The following HS1BP3 variants were observed in gnomAD, a reference collection of about 807,000 sequenced individuals.
The protein encoded by HS1BP3 is HCLS1 binding protein 3.
In HS1BP3, 32 loss-of-function variants were observed where a neutral mutation model predicts 33.5. That is an observed-to-expected ratio of 0.95 (90% confidence interval 0.72 to 1.28). HS1BP3 has a LOEUF of 1.28. Ranked by LOEUF, HS1BP3 falls within the 50% of genes most tolerant of loss-of-function variation. The pLI, the probability that HS1BP3 is intolerant of heterozygous loss-of-function variation, is 0.00. For missense variants in HS1BP3, 486 were observed against 502.3 expected (o/e 0.97, Z 0.31); for synonymous variants, 187 against 209.2 (o/e 0.89, Z 0.92).
At position 20,605,209 on chromosome 2, in the gene HS1BP3, C is replaced by T. The variant is rs138942677; in HGVS notation, c.179-6944G>A. Reference sequence around the variant, plus strand: ...ACACGAGCTTCCCAAACCTGGGAGGCCCATGGCTCCCCAGCTTCTCCTCAT... The same window carrying T: ...ACACGAGCTTCCCAAACCTGGGAGGTCCATGGCTCCCCAGCTTCTCCTCAT... On this transcript the variant is annotated intron_variant, in intron 2 of 3. Coordinates refer to the HS1BP3 transcript ENST00000415264. Among the ~76,000 whole-genome samples, 11 of 152,280 alleles carry T rather than the reference C, an allele frequency of 7.2e-5. No homozygotes were observed. The East Asian group carries it at 2.1e-3, about 29-fold the overall frequency.
chr2:20,562,094 A>G (rs916702110), intron 5 of HS1BP3, among the ~76,000 whole-genome samples: 4 of 152,200 alleles, frequency 2.6e-5, no homozygotes, highest in African/African-American at 9.6e-5. Flanking sequence ...CGGACAAGGC[A>G]TGGAGGCTCC....
intron 5 of HS1BP3, among the ~76,000 whole-genome samples, chr2:20,561,332 C>T (rs916498104): frequency 6.6e-6 from 1 of 152,208 alleles, no homozygotes; most frequent in Non-Finnish European, 1.5e-5. Flanking sequence ...ACAGCTGACT[C>T]AGGGCCTGCA....
At chr2:20,567,834 C>T (rs921219475) in intron 5 of HS1BP3, among the ~76,000 whole-genome samples, 11 of 152,202 alleles carry the variant, frequency 7.2e-5, no homozygotes, top group African/African-American at 2.4e-4. Flanking sequence ...GAACCTGACC[C>T]CAAGTTTGCA....
chr2:20,576,675 C>T (rs182836018), intron 5 of HS1BP3, among the ~76,000 whole-genome samples: 136 of 152,344 alleles, frequency 8.9e-4, no homozygotes, highest in Non-Finnish European at 1.4e-3. Context: ...CTGAGAGAGA[C>T]GGAGGCCTTG....
intron 6 of HS1BP3, among the ~76,000 whole-genome samples, chr2:20,620,122 A>G (rs1162751048): frequency 6.6e-6 from 1 of 152,248 alleles, no homozygotes; most frequent in Non-Finnish European, 1.5e-5. Context: ...TGCACAGTGG[A>G]AGACTCATTC....
At chr2:20,634,058 T>C (rs1480627788) in intron 4 of HS1BP3, among the ~76,000 whole-genome samples, 1 of 152,152 alleles carries the variant, frequency 6.6e-6, no homozygotes, top group African/African-American at 2.4e-5. Context: ...AACCCCAGGA[T>C]GGCACAGCAG....
chr2:20,633,422 A>C (rs556345616), intron 4 of HS1BP3, among the ~76,000 whole-genome samples: 1 of 152,344 alleles, frequency 6.6e-6, no homozygotes, highest in Admixed American at 6.5e-5. Context: ...AGGTTTTGCT[A>C]CTGAATTTAA....
intron 4 of HS1BP3, among the ~76,000 whole-genome samples, chr2:20,633,437 C>T (rs1182080438): frequency 2.6e-5 from 4 of 152,230 alleles, no homozygotes; most frequent in Non-Finnish European, 5.9e-5. Flanking sequence ...ATTTAAAAAG[C>T]AGAAACCACT....
chr2:20,554,706 CAAAAA>C, the HS1BP3 span, among the ~76,000 whole-genome samples: 1 of 104,560 alleles, frequency 9.6e-6, no homozygotes, highest in Non-Finnish European at 2.1e-5. Flanking sequence ...CTCCACCTCA[CAAAAA>C]AAAAAAAAAA....
At chr2:20,648,893 G>A (rs148144528) in intron 1 of HS1BP3, among the ~76,000 whole-genome samples, 34 of 152,350 alleles carry the variant, frequency 2.2e-4, no homozygotes, top group African/African-American at 7.2e-4. Flanking sequence ...GAGACTTGCC[G>A]TTAGTCTTAA....
the HS1BP3 span, among the ~76,000 whole-genome samples, chr2:20,554,017 C>T: frequency 1.3e-5 from 2 of 152,154 alleles, no homozygotes; most frequent in African/African-American, 2.4e-5. Flanking sequence ...ATTTTAGTGC[C>T]TGGCCCCGAT....
intron 5 of HS1BP3, 43 bp from the exon 6 acceptor site, chr2:20,624,074 G>A: frequency 6.2e-7 from 1 of 1,600,702 alleles, no homozygotes; most frequent in Non-Finnish European, 8.5e-7. Context: ...AAGCCTCTAG[G>A]CTGGGATGCC....
chr2:20,602,324 T>A (rs907593738), intron 2 of HS1BP3, among the ~76,000 whole-genome samples: 5 of 152,144 alleles, frequency 3.3e-5, no homozygotes, highest in African/African-American at 1.2e-4. Flanking sequence ...TAAATAACTG[T>A]ATTTCCCTCT....
chr2:20,634,632 G>A (rs1695065500), intron 4 of HS1BP3: 1 of 152,254 alleles, frequency 6.6e-6, no homozygotes, highest in Non-Finnish European at 1.5e-5. Context: ...CTGTCTTGCT[G>A]CTAAATCTTG....
At chr2:20,566,278 C>T (rs1438212516) in intron 5 of HS1BP3, among the ~76,000 whole-genome samples, 4 of 152,252 alleles carry the variant, frequency 2.6e-5, no homozygotes, top group Non-Finnish European at 4.4e-5. Flanking sequence ...GGGTACAGCT[C>T]TAAGGGAGAC....
intron 5 of HS1BP3, among the ~76,000 whole-genome samples, chr2:20,565,766 C>T (rs1396432220): frequency 6.6e-6 from 1 of 152,248 alleles, no homozygotes; most frequent in Non-Finnish European, 1.5e-5. Flanking sequence ...CCAGGCAGGT[C>T]AGAGCAGGGT....
At chr2:20,597,036 C>T (rs1240310961) in intron 3 of HS1BP3, among the ~76,000 whole-genome samples, 1 of 152,204 alleles carries the variant, frequency 6.6e-6, no homozygotes, top group African/African-American at 2.4e-5. Context: ...CATCTCTAAT[C>T]CCTCCTTAAA....
At chr2:20,571,755 G>A (rs62124220) in intron 5 of HS1BP3, among the ~76,000 whole-genome samples, 5,141 of 152,304 alleles carry the variant, frequency 0.034, 105 homozygotes, top group South Asian at 0.068. Flanking sequence ...TTTCCCTGGA[G>A]CCTGCTGAGT....
chr2:20,574,996 A>G (rs2149273632), intron 5 of HS1BP3, among the ~76,000 whole-genome samples: 1 of 152,372 alleles, frequency 6.6e-6, no homozygotes, highest in African/African-American at 2.4e-5. Context: ...GGATTAAATG[A>G]GAACACAGGA....
Sources: gnomAD v4.1 joint callset for allele counts (sites outside exome capture counted in the v4.1 genomes callset) on GRCh38, gnomAD v4.1.1 for gene constraint, MANE v1.5 for transcripts, NCBI Gene and HGNC (gene_info 2026-07-23, HGNC 2026-07-21) for gene names.